SYT1: variants seen among roughly 807,000 people sequenced by gnomAD.
The protein encoded by SYT1 is synaptotagmin 1.
A neutral mutation model predicts 44.8 loss-of-function variants in SYT1; 8 were observed. The ratio of observed to expected loss-of-function variants is 0.18; its 90% CI spans 0.10 to 0.32. SYT1 has a LOEUF of 0.32. Ranked by LOEUF, SYT1 falls within the 10% of genes least tolerant of loss-of-function variation. The probability of loss-of-function intolerance (pLI) is 1.00; values close to 1 mark genes in which losing one functional copy is unlikely to be tolerated. For missense variants in SYT1, 286 were observed against 509.3 expected, an observed-to-expected ratio of 0.56 and a Z score of 4.22; for synonymous variants, 154 against 188.8, an observed-to-expected ratio of 0.82 and a Z score of 1.51.
At position 79,068,954 on chromosome 12, in the gene SYT1, A is replaced by G. The variant is rs1319828362; in HGVS notation, c.-18+21592A>G. Among the ~76,000 whole-genome samples, 5 of 152,348 alleles carry G rather than the reference A, an allele frequency of 3.3e-5. No homozygotes were observed. The East Asian group carries it at 5.8e-4, about 18-fold the overall frequency. On this transcript the variant is annotated intron_variant, in intron 3 of 10. Transcript: ENST00000261205. ...TCAACATATCATAAATAATGATACCAGAGATCAGTATAGCTTACCTGTTTC... is the reference window on the plus strand; with the variant it reads ...TCAACATATCATAAATAATGATACCGGAGATCAGTATAGCTTACCTGTTTC...
At chr12:79,056,172 G>A (rs1246490151) in intron 3 of SYT1, among the ~76,000 whole-genome samples, 1 of 151,980 alleles carries the variant, frequency 6.6e-6, no homozygotes, top group African/African-American at 2.4e-5. Flanking sequence ...CATTTCTCAG[G>A]ATGTACCCCT....
intron 3 of SYT1, among the ~76,000 whole-genome samples, chr12:79,127,532 T>C (rs1223140645): frequency 2.0e-5 from 3 of 152,214 alleles, no homozygotes; most frequent in Non-Finnish European, 4.4e-5. Context: ...AGTTGTAAGA[T>C]AGGAATAATG....
intron 5 of SYT1, among the ~76,000 whole-genome samples, chr12:79,288,839 C>T (rs562245996): frequency 9.2e-5 from 14 of 152,078 alleles, no homozygotes; most frequent in East Asian, 1.9e-4. Context: ...CTGTCCCTTG[C>T]GGTAGGTTTC....
chr12:79,288,439 G>T (rs1293306530), intron 5 of SYT1, among the ~76,000 whole-genome samples: 1 of 151,884 alleles, frequency 6.6e-6, no homozygotes, highest in Non-Finnish European at 1.5e-5. Flanking sequence ...TCTATATATA[G>T]GCTCTATATA....
In SYT1 at chr12:79,380,328, C is replaced by T. The variant is rs188039058; in HGVS notation, c.928+26709C>T. Among the ~76,000 whole-genome samples the T allele has an allele frequency of 9.3e-4, 142 of 152,348 alleles. No homozygotes were observed. The Middle Eastern group carries it at 0.01, about 11-fold the overall frequency. On this transcript the variant is annotated intron_variant, in intron 9 of 10. Transcript: ENST00000261205. Reference sequence around the variant, plus strand: ...GCAATTTGAGTGTGTTCCTCAAGCACATTCATTGCCATTTATACCTTATTC... The same window carrying T: ...GCAATTTGAGTGTGTTCCTCAAGCATATTCATTGCCATTTATACCTTATTC...
intron 9 of SYT1, among the ~76,000 whole-genome samples, chr12:79,375,477 G>A (rs766537783): frequency 6.6e-5 from 10 of 152,200 alleles, no homozygotes; most frequent in Admixed American, 5.2e-4. Context: ...AGCCACTGCA[G>A]GGATTTAAGC....
chr12:79,378,060 T>G (rs985988039), intron 9 of SYT1, among the ~76,000 whole-genome samples: 1 of 152,238 alleles, frequency 6.6e-6, no homozygotes, highest in African/African-American at 2.4e-5. Flanking sequence ...TTCCTCATAC[T>G]ATCTAATTCT....
chr12:79,401,778 T>G (rs372192080), intron 9 of SYT1, among the ~76,000 whole-genome samples: 150 of 151,332 alleles, frequency 9.9e-4, no homozygotes, highest in African/African-American at 3.4e-3. Flanking sequence ...CAAGAGATCC[T>G]CCTGCCTCAG....
chr12:79,179,332 A>ATC (rs1872253794), intron 3 of SYT1, among the ~76,000 whole-genome samples: 1 of 118,894 alleles, frequency 8.4e-6, no homozygotes, highest in African/African-American at 3.3e-5. Context: ...ATATAGATAT[A>ATC]GATATATCGA....
At chr12:78,967,044 C>A (rs1030558921) in intron 1 of SYT1, among the ~76,000 whole-genome samples, 3 of 152,112 alleles carry the variant, frequency 2.0e-5, no homozygotes, top group African/African-American at 7.2e-5. Flanking sequence ...CATAATAGAG[C>A]ATCACATCTC....
intron 9 of SYT1, among the ~76,000 whole-genome samples, chr12:79,384,478 C>T (rs1430797932): frequency 6.6e-6 from 1 of 152,038 alleles, no homozygotes; most frequent in Non-Finnish European, 1.5e-5. Context: ...GTGGCTGTAC[C>T]TGAACTAGGT....
intron 4 of SYT1, among the ~76,000 whole-genome samples, chr12:79,257,643 A>G (rs1206263735): frequency 7.2e-5 from 11 of 152,086 alleles, no homozygotes; most frequent in African/African-American, 1.4e-4. Context: ...ACCCGCCACA[A>G]CCCCCGGCTG....
chr12:79,240,947 A>T (rs1294736673), intron 4 of SYT1, among the ~76,000 whole-genome samples: 1 of 152,198 alleles, frequency 6.6e-6, no homozygotes, highest in Non-Finnish European at 1.5e-5. Flanking sequence ...CCACAGCAGG[A>T]GGATAGCTTG....
intron 3 of SYT1, among the ~76,000 whole-genome samples, chr12:79,184,061 T>A (rs1872680079): frequency 6.6e-6 from 1 of 152,072 alleles, no homozygotes; most frequent in African/African-American, 2.4e-5. Flanking sequence ...TTTGCCCACA[T>A]GGATCAGTAT....
chr12:79,226,308 C>G (rs1450938091), intron 4 of SYT1, among the ~76,000 whole-genome samples: 1 of 152,192 alleles, frequency 6.6e-6, no homozygotes, highest in Non-Finnish European at 1.5e-5. Flanking sequence ...CCAGCTATTA[C>G]TTTATTTTTT....
intron 8 of SYT1, among the ~76,000 whole-genome samples, chr12:79,311,769 C>G (rs1303079118): frequency 6.9e-6 from 1 of 145,576 alleles, no homozygotes; most frequent in African/African-American, 2.6e-5. Flanking sequence ...ATCGCAAGGA[C>G]AAAAAAGCAA....
At chr12:78,910,704 C>T (rs1366743673) in intron 1 of SYT1, among the ~76,000 whole-genome samples, 2 of 151,936 alleles carry the variant, frequency 1.3e-5, no homozygotes, top group Non-Finnish European at 2.9e-5. Context: ...AAAGTTACAA[C>T]TCTGAAAAAT....
chr12:79,023,599 T>C (rs1249854782), intron 2 of SYT1, among the ~76,000 whole-genome samples: 1 of 151,866 alleles, frequency 6.6e-6, no homozygotes, highest in Non-Finnish European at 1.5e-5. Flanking sequence ...GTAGTCGTTG[T>C]TTTTAGTAAC....
At chr12:79,331,126 C>T (rs1157769532) in intron 8 of SYT1, among the ~76,000 whole-genome samples, 1 of 152,200 alleles carries the variant, frequency 6.6e-6, no homozygotes, top group African/African-American at 2.4e-5. Context: ...ACAGCAACAG[C>T]TTCTTTCAGA....
Sources: gnomAD v4.1 joint callset for allele counts (sites outside exome capture counted in the v4.1 genomes callset) on GRCh38, gnomAD v4.1.1 for gene constraint, MANE v1.5 for transcripts, NCBI Gene and HGNC (gene_info 2026-07-23, HGNC 2026-07-21) for gene names.